The following OR10J1 variants were observed in gnomAD, a reference collection of about 807,000 sequenced individuals.
The protein encoded by OR10J1 is olfactory receptor family 10 subfamily J member 1.
For missense variants in OR10J1, 474 were observed against 376.6 expected (o/e 1.26, Z -2.14); for synonymous variants, 202 against 143.8 (o/e 1.40, Z -2.89).
chr1:159,439,708 A>T (rs375649007), upstream of OR10J1: 7 of 1,557,556 alleles, frequency 4.5e-6, no homozygotes, highest in Non-Finnish European at 5.3e-6. Context: ...TTGAACTTCA[A>T]TCAATTTCAG....
chr1:159,429,808 G>T, the OR10J1 span, among the ~76,000 whole-genome samples: 1 of 152,234 alleles, frequency 6.6e-6, no homozygotes, highest in Non-Finnish European at 1.5e-5. Flanking sequence ...GTTACTCCCA[G>T]ATCTGACTGA....
At chr1:159,406,953 C>T in the OR10J1 span, among the ~76,000 whole-genome samples, 12 of 152,192 alleles carry the variant, frequency 7.9e-5, no homozygotes, top group African/African-American at 2.4e-4. Context: ...AGGCTGTGGG[C>T]GAGCCACCCA....
the OR10J1 span, among the ~76,000 whole-genome samples, chr1:159,399,896 G>A: frequency 1.3e-5 from 2 of 152,104 alleles, no homozygotes; most frequent in Admixed American, 6.5e-5. Flanking sequence ...GCAAGTTTTT[G>A]TTAGTTTTCT....
chr1:159,409,673 C>T, the OR10J1 span, among the ~76,000 whole-genome samples: 2 of 152,104 alleles, frequency 1.3e-5, no homozygotes, highest in South Asian at 4.1e-4. Context: ...ATGATAAAGT[C>T]TCTCCATTAT....
chr1:159,410,561 T>C, the OR10J1 span, among the ~76,000 whole-genome samples: 1 of 152,130 alleles, frequency 6.6e-6, no homozygotes, highest in African/African-American at 2.4e-5. Context: ...TGATCTTTTT[T>C]TATTGCATCT....
At position 159,440,085 on chromosome 1, in the gene OR10J1, C is replaced by T. The variant is rs1655882502; in HGVS notation, c.294C>T (p.Ala98=). 2 of 1,614,088 alleles carry T rather than the reference C, an allele frequency of 1.2e-6. No homozygotes were observed. Among genetic ancestry groups the T allele is most frequent in the Admixed American group, 1.7e-5 (1 of 59,984 alleles). The part of the protein sequence containing the change: ...MSQPISLAGC[A]TQMFFFVTFG... ...AGCCCATATCATTGGCAGGGTGTGC[C>T]ACACAGATGTTCTTTTTTGTAACCT... is the stretch of plus-strand genomic sequence containing the variant. Residue 98 remains alanine (A), a synonymous_variant, in exon 1 of 1, where the codon GCC becomes GCT. Coordinates refer to ENST00000423932, the MANE Select transcript of OR10J1 (RefSeq NM_012351.3).
rs2101711966 is a variant in OR10J1, at chr1:159,440,795, A to G, written c.*74A>G. 6.7e-7 allele frequency: 1 copy of G among 1,488,996 alleles called. No individual in the cohort carries two copies. Among genetic ancestry groups the G allele is most frequent in the South Asian group, 1.3e-5 (1 of 74,566 alleles). 92.2% of individuals were successfully genotyped at this position (1,488,996 alleles called of 1,614,324 possible). A position where few individuals can be genotyped will look rare whatever the true frequency, so the allele number is the denominator to read the frequency against. ...GAATATGAGGTGTAAACTCACAAAC[A>G]CTTGGCTCCTAGAGACCTGCCCCTT... On this transcript the variant is annotated 3_prime_UTR_variant, in exon 1 of 1. Transcript: ENST00000423932.
the OR10J1 span, among the ~76,000 whole-genome samples, chr1:159,430,668 T>TGTGTGTGCGC: frequency 0.15 from 10,438 of 69,244 alleles, 613 homozygotes; most frequent in Admixed American, 0.25. Flanking sequence ...TGTGTGTGTG[T>TGTGTGTGCGC]GCGCGCGCGC....
the OR10J1 span, among the ~76,000 whole-genome samples, chr1:159,425,617 T>C: frequency 6.6e-6 from 1 of 151,858 alleles, no homozygotes; most frequent in African/African-American, 2.4e-5. Flanking sequence ...AAGAAAGAGA[T>C]AGGAACTTAT....
At chr1:159,405,758 C>T in the OR10J1 span, 84 of 1,241,314 alleles carry the variant, frequency 6.8e-5, 3 homozygotes, top group Admixed American at 1.4e-3. Context: ...AGGACAAGGA[C>T]ACAGACACTG....
chr1:159,412,390 G>A, the OR10J1 span, among the ~76,000 whole-genome samples: 3 of 151,154 alleles, frequency 2.0e-5, no homozygotes, highest in Non-Finnish European at 4.4e-5. Flanking sequence ...TCAATCCTAA[G>A]CCAAAAGAAC....
At chr1:159,413,784 A>C in the OR10J1 span, among the ~76,000 whole-genome samples, 10 of 151,950 alleles carry the variant, frequency 6.6e-5, no homozygotes, top group Non-Finnish European at 1.5e-4. Context: ...GCACATGTAC[A>C]CATATGTAAC....
chr1:159,408,452 C>A, the OR10J1 span, among the ~76,000 whole-genome samples: 1 of 97,936 alleles, frequency 1.0e-5, no homozygotes, highest in Non-Finnish European at 1.9e-5. Context: ...ACATCACACT[C>A]TGGGGACTGT....
chr1:159,422,459 G>A, the OR10J1 span, among the ~76,000 whole-genome samples: 1 of 152,154 alleles, frequency 6.6e-6, no homozygotes, highest in Non-Finnish European at 1.5e-5. Context: ...TTTTTCCTTG[G>A]GGCACTTAAA....
At chr1:159,428,995 T>C in the OR10J1 span, among the ~76,000 whole-genome samples, 1 of 152,210 alleles carries the variant, frequency 6.6e-6, no homozygotes. Flanking sequence ...GGATTTGATA[T>C]CCAATTCTCT....
At chr1:159,415,645 A>G in the OR10J1 span, among the ~76,000 whole-genome samples, 1 of 152,020 alleles carries the variant, frequency 6.6e-6, no homozygotes, top group Non-Finnish European at 1.5e-5. Context: ...CATTGGATCT[A>G]TAGATCACTT....
the OR10J1 span, among the ~76,000 whole-genome samples, chr1:159,398,632 G>A: frequency 1.3e-5 from 2 of 152,134 alleles, no homozygotes; most frequent in Non-Finnish European, 2.9e-5. Flanking sequence ...GAATGCATAA[G>A]AGTCCTTCAA....
At chr1:159,417,935 T>C in the OR10J1 span, among the ~76,000 whole-genome samples, 1 of 152,124 alleles carries the variant, frequency 6.6e-6, no homozygotes, top group Admixed American at 6.6e-5. Context: ...TAAAGGTGAT[T>C]CTTGTTATAT....
chr1:159,430,672 C>CGCAT, the OR10J1 span, among the ~76,000 whole-genome samples: 3 of 15,814 alleles, frequency 1.9e-4, no homozygotes, highest in South Asian at 5.1e-3. Context: ...TGTGTGTGCG[C>CGCAT]GCGCGCACAT....
Sources: gnomAD v4.1 joint callset for allele counts (sites outside exome capture counted in the v4.1 genomes callset) on GRCh38, gnomAD v4.1.1 for gene constraint, MANE v1.5 for transcripts, NCBI Gene and HGNC (gene_info 2026-07-23, HGNC 2026-07-21) for gene names.